The following NPFFR1 variants were observed in gnomAD, a reference collection of about 807,000 sequenced individuals.
The protein encoded by NPFFR1 is neuropeptide FF receptor 1.
In NPFFR1, 17 loss-of-function variants were observed where a neutral mutation model predicts 12.7. The observed-to-expected ratio is 1.34, with a 90% CI of 0.92 to 2.01. The LOEUF (loss-of-function observed/expected upper bound fraction) is 2.01. Ranked by LOEUF, NPFFR1 falls within the 30% of genes most tolerant of loss-of-function variation. The pLI, the probability that NPFFR1 is intolerant of heterozygous loss-of-function variation, is 0.00. For missense variants in NPFFR1, 604 were observed against 606.5 expected (o/e 1.00, Z 0.04); for synonymous variants, 296 against 264.5 (o/e 1.12, Z -1.16).
At chr10:70,278,610 A>T (rs1225155637) in intron 1 of NPFFR1, among the ~76,000 whole-genome samples, 1 of 152,104 alleles carries the variant, frequency 6.6e-6, no homozygotes, top group Non-Finnish European at 1.5e-5. Context: ...CTGCTATCAA[A>T]CCTTTCATAA....
At chr10:70,278,972 T>C (rs192599990) in intron 1 of NPFFR1, among the ~76,000 whole-genome samples, 1 of 152,296 alleles carries the variant, frequency 6.6e-6, no homozygotes, top group East Asian at 1.9e-4. Flanking sequence ...AAGTTTTTTA[T>C]TGCAAATTGA....
intron 3 of NPFFR1, among the ~76,000 whole-genome samples, chr10:70,256,463 G>C (rs1288551819): frequency 6.6e-6 from 1 of 152,246 alleles, no homozygotes; most frequent in Non-Finnish European, 1.5e-5. Context: ...CGACAAGGAC[G>C]ATTAGGTGCG....
In NPFFR1 at chr10:70,283,819, G is replaced by A. The variant is rs527945614; in HGVS notation, c.-143C>T. ...CGCGCTCCGCAGGTCCGGTCGGTCC[G>A]GGCAGAGGTGAGCAGGGGGCGTGCG... On this transcript the variant is annotated 5_prime_UTR_variant, in exon 1 of 4. Coordinates refer to ENST00000277942, the MANE Select transcript of NPFFR1 (RefSeq NM_022146.5). The A allele has an allele frequency of 2.6e-4, 236 of 891,324 alleles. No individual in the cohort carries two copies. The African/African-American group carries it at 3.7e-3, about 14-fold the overall frequency. 55.2% of individuals were successfully genotyped at this position (891,324 alleles called of 1,614,324 possible). A position where few individuals can be genotyped will look rare whatever the true frequency, so the allele number is the denominator to read the frequency against.
At chr10:70,282,035 A>G (rs1468328837) in intron 1 of NPFFR1, among the ~76,000 whole-genome samples, 1 of 152,182 alleles carries the variant, frequency 6.6e-6, no homozygotes, top group Non-Finnish European at 1.5e-5. Flanking sequence ...GAAAATCAGG[A>G]CATTTGCCCA....
intron 2 of NPFFR1, among the ~76,000 whole-genome samples, chr10:70,262,881 C>T (rs1195310872): frequency 6.6e-6 from 1 of 152,174 alleles, no homozygotes; most frequent in Non-Finnish European, 1.5e-5. Context: ...CTTCTAAATA[C>T]TATTCTCAGC....
chr10:70,272,211 G>GGAAAGAAA (rs1554833493), intron 1 of NPFFR1, among the ~76,000 whole-genome samples: 1 of 55,822 alleles, frequency 1.8e-5, no homozygotes, highest in African/African-American at 7.9e-5. Context: ...AAGAAAGAAA[G>GGAAAGAAA]GAAAGAAAGA....
rs759880348 is a variant in NPFFR1 at position 70,255,587 on chromosome 10, G to A, written c.663C>T (p.Phe221=). Residue 221 remains phenylalanine (F), a synonymous_variant, in exon 4 of 4, where the codon TTC becomes TTT. Transcript: ENST00000277942. This position sits in a 1 kb window ranked among gnomAD's most constrained non-coding sequence, Gnocchi z 4.2. ...CCAGCGGCGCCAGGTAGATGTGCGA[G>A]AAGAGCACAGTGGTGTAGACCCTGC... The part of the protein sequence containing the change: ...GMRRVYTTVL[F]SHIYLAPLAL... 2.6e-6 allele frequency: 4 copies of A among 1,553,892 alleles called. No homozygotes were observed. The South Asian group carries it at 4.7e-5, about 18-fold the overall frequency.
chr10:70,273,360 G>A lies in NPFFR1; in HGVS notation c.8-6969C>T, dbSNP rs182916029. ...AGTTTAGTGTGGCTTAACATTTTGG[G>A]GGTCATCAAATTCTTTAAGACTCTG... On this transcript the variant is annotated intron_variant, in intron 1 of 3. Coordinates refer to ENST00000277942, the MANE Select transcript of NPFFR1 (RefSeq NM_022146.5). Among the ~76,000 whole-genome samples the A allele has an allele frequency of 1.6e-3, 242 of 152,270 alleles. 4 individuals carry two copies. Among genetic ancestry groups the A allele is most frequent in the South Asian group, 9.5e-3 (46 of 4,822 alleles).
chr10:70,247,529 A>G lies in NPFFR1; in HGVS notation c.*7428T>C, dbSNP rs1266135984. The G allele has an allele frequency of 1.3e-5, 2 of 152,248 alleles. No individual in the cohort carries two copies. The highest frequency in any genetic ancestry group is 3.8e-4 in the East Asian group (2 of 5,202). The allele number at this position is 152,248 out of a possible 1,614,324, so 9.4% of individuals were successfully genotyped here. Reference sequence around the variant, plus strand: ...GGGGGCAGTCAAAACACAGAAATGTAGATCGCTCAGTCACTGAAACGGATT... The same window carrying G: ...GGGGGCAGTCAAAACACAGAAATGTGGATCGCTCAGTCACTGAAACGGATT... On this transcript the variant is annotated 3_prime_UTR_variant, in exon 4 of 4. Coordinates refer to ENST00000277942, the MANE Select transcript of NPFFR1 (RefSeq NM_022146.5).
intron 1 of NPFFR1, among the ~76,000 whole-genome samples, chr10:70,266,862 GT>G (rs1238702504): frequency 6.6e-6 from 1 of 152,168 alleles, no homozygotes; most frequent in Non-Finnish European, 1.5e-5. Flanking sequence ...TTCAGCAGCT[GT>G]TTTTCCCTAT....
intron 2 of NPFFR1, among the ~76,000 whole-genome samples, chr10:70,262,790 T>C (rs968338777): frequency 2.0e-5 from 3 of 152,164 alleles, no homozygotes; most frequent in Admixed American, 2.0e-4. Context: ...TATACGTATA[T>C]TTCCTAGCTC....
rs770465134 is a variant in NPFFR1, at chr10:70,255,658, A to G, written c.592T>C (p.Tyr198His). ...GCCTCCCAGCAGGAGTAGAGCGGGT[A>G]GGAGCGGTTGCGGGCGTCCACCATG... ...HFMVDARNRS[Y>H]PLYSCWEAWP... is the part of the protein sequence containing the mutation. The change falls in exon 4 of 4, where the codon TAC becomes CAC. Residue 198 changes from tyrosine (Y) to histidine (H), a missense_variant. By Grantham distance (83) the Tyr-to-His change is moderately conservative (BLOSUM62 2). Transcript: ENST00000277942. The surrounding 1 kb of genome is among the most constrained non-coding windows in gnomAD (Gnocchi z 4.2). 21 of 1,597,416 alleles carry G rather than the reference A, an allele frequency of 1.3e-5. No individual in the cohort carries two copies. The Middle Eastern group carries it at 4.9e-4, about 38-fold the overall frequency.
Position 70,260,678 on chromosome 10 carries a change from C to T in NPFFR1, c.384G>A (p.Ser128=), listed in dbSNP as rs186621884. The T allele has an allele frequency of 1.1e-4, 174 of 1,611,386 alleles. No individual in the cohort carries two copies. Among genetic ancestry groups the T allele is most frequent in the African/African-American group, 2.9e-4 (22 of 74,984 alleles). The change falls in exon 3 of 4, where the codon TCG becomes TCA. Residue 128 remains serine (S), a synonymous_variant. Coordinates refer to ENST00000277942, the MANE Select transcript of NPFFR1 (RefSeq NM_022146.5). ...MSGLVQGMSV[S]ASVFTLVAIA... is the part of the protein sequence containing the mutation. ...TGGCCACCAGTGTGAAAACGGAAGC[C>T]GACACAGACATGCCCTGCACCAAGC...
intron 3 of NPFFR1, 78 bp downstream of exon 3, chr10:70,260,562 C>A (rs1298480235): frequency 3.9e-6 from 5 of 1,284,598 alleles, no homozygotes; most frequent in South Asian, 3.8e-5. Flanking sequence ...TCCAGCCAAC[C>A]CAGCATTAGA....
chr10:70,270,245 T>A (rs1245532454), intron 1 of NPFFR1, among the ~76,000 whole-genome samples: 3 of 152,198 alleles, frequency 2.0e-5, no homozygotes, highest in African/African-American at 7.2e-5. Flanking sequence ...GATCCTTATA[T>A]CAGGTGAGAG....
chr10:70,278,330 A>G (rs1840825960), intron 1 of NPFFR1, among the ~76,000 whole-genome samples: 1 of 128,362 alleles, frequency 7.8e-6, no homozygotes, highest in African/African-American at 2.9e-5. Context: ...AACTTTCCTG[A>G]AGAATAAAAG....
rs1840505413 is a variant in NPFFR1 at position 70,250,999 on chromosome 10, A to G, written c.*3958T>C. Reference sequence around the variant, plus strand: ...TGTCTTTGCTTATTGAAATCTTGTAAAATTTCCACAATGATTATGTAGAGC... The same window carrying G: ...TGTCTTTGCTTATTGAAATCTTGTAGAATTTCCACAATGATTATGTAGAGC... On this transcript the variant is annotated 3_prime_UTR_variant, in exon 4 of 4. Transcript: ENST00000277942. 1 of 152,170 alleles carries G rather than the reference A, an allele frequency of 6.6e-6. No homozygotes were observed. Among genetic ancestry groups the G allele is most frequent in the African/African-American group, 2.4e-5 (1 of 41,416 alleles). The allele number at this position is 152,170 out of a possible 1,614,324, so 9.4% of individuals were successfully genotyped here.
At position 70,273,116 on chromosome 10, in the gene NPFFR1, C is replaced by T. The variant is rs190414917; in HGVS notation, c.8-6725G>A. 1.1e-4 allele frequency among the ~76,000 whole-genome samples: 17 copies of T among 152,280 alleles called. No individual in the cohort carries two copies. In the East Asian group the frequency reaches 3.3e-3, roughly 29 times the overall value. On this transcript the variant is annotated intron_variant, in intron 1 of 3. Transcript: ENST00000277942. ...TGATGTCACTGGTTCTTGGCCCTGA[C>T]TCATATCAAAATCACCTGGCTTTTA...
intron 3 of NPFFR1, among the ~76,000 whole-genome samples, chr10:70,258,365 TAGGGGG>T (rs1164150008): frequency 3.3e-5 from 5 of 151,668 alleles, no homozygotes; most frequent in Non-Finnish European, 5.9e-5. Context: ...ACAGCTGCTG[TAGGGGG>T]AGGTAAAAAC....
Sources: allele counts gnomAD v4.1 joint callset (sites outside exome capture counted in the v4.1 genomes callset), GRCh38; gene constraint gnomAD v4.1.1; non-coding constraint Gnocchi (gnomAD v3.1); transcripts MANE v1.5; gene names NCBI Gene and HGNC (gene_info 2026-07-23, HGNC 2026-07-21).